The following DMP1 variants were observed in gnomAD, a reference collection of about 807,000 sequenced individuals.
DMP1 encodes dentin matrix acidic phosphoprotein 1.
In DMP1, 20 loss-of-function variants were observed where a neutral mutation model predicts 14.6. The ratio of observed to expected loss-of-function variants is 1.37; its 90% CI spans 0.96 to 1.99. The LOEUF is 1.99. DMP1 is among the 30% of genes most tolerant of loss of function. The pLI, the probability that DMP1 is intolerant of heterozygous loss-of-function variation, is 0.00. For synonymous variants in DMP1, 197 were observed against 215.3 expected (o/e 0.91, Z 0.75); for missense variants, 567 against 620.5 (o/e 0.91, Z 0.92).
intron 5 of DMP1, chr4:87,660,645 A>G (rs1404325039): frequency 6.6e-6 from 1 of 152,140 alleles, no homozygotes; most frequent in Admixed American, 6.5e-5. Flanking sequence ...ATGTATGAAG[A>G]CTCACTGTCC....
chr4:87,653,400 T>TC (rs1292926414), intron 1 of DMP1, among the ~76,000 whole-genome samples: 2 of 82,962 alleles, frequency 2.4e-5, no homozygotes, highest in African/African-American at 1.4e-4. Context: ...TATATATATA[T>TC]ATATATATAT....
At chr4:87,659,528 G>T (rs1175088602) in intron 5 of DMP1, 50 bp downstream of exon 5, 1 of 1,530,866 alleles carries the variant, frequency 6.5e-7, no homozygotes, top group Non-Finnish European at 9.1e-7. Flanking sequence ...GGAATGGAAG[G>T]AAATGATGTT....
rs191979303 is a variant in DMP1 at position 87,655,266 on chromosome 4, G to A, written c.-21-1206G>A. Among the ~76,000 whole-genome samples, 92 of 152,206 alleles carry A rather than the reference G, an allele frequency of 6.0e-4. 1 individual carries two copies. In the South Asian group the frequency reaches 7.7e-3, roughly 13 times the overall value. On this transcript the variant is annotated intron_variant, in intron 1 of 5. Coordinates refer to ENST00000339673, the MANE Select transcript of DMP1 (RefSeq NM_004407.4). ...GGCTTACTAGTGCAGGGTAAATTGC[G>A]TTCCTTAAACCATTTCAATAAATTT...
intron 1 of DMP1, among the ~76,000 whole-genome samples, chr4:87,655,533 G>T (rs1728662450): frequency 1.3e-5 from 1 of 79,204 alleles, no homozygotes; most frequent in Non-Finnish European, 2.7e-5. Context: ...ACGTGTCACA[G>T]TAGATATTAA....
chr4:87,652,566 G>A (rs1728554037), intron 1 of DMP1, among the ~76,000 whole-genome samples: 2 of 152,104 alleles, frequency 1.3e-5, no homozygotes, highest in Admixed American at 1.3e-4. Flanking sequence ...GGATGCTAAC[G>A]AGTATTTCTA....
At position 87,661,994 on chromosome 4, in the gene DMP1, A is replaced by G. The variant is rs766838624; in HGVS notation, c.216A>G (p.Ser72=). The G allele has an allele frequency of 1.2e-6, 2 of 1,614,232 alleles. No individual in the cohort carries two copies. The highest frequency in any genetic ancestry group is 2.2e-5 in the South Asian group (2 of 91,090). The stretch of plus-strand genomic sequence containing the variant: ...AAGACCCCAGTGACAGCACTCAGTC[A>G]GAGGAGGGCCTGGGCTCTGATGATC... The part of the protein sequence containing the change: ...ANEDPSDSTQ[S]EEGLGSDDHQ... Residue 72 remains serine (S), a synonymous_variant, in exon 6 of 6, where the codon TCA becomes TCG. Transcript: ENST00000339673.
rs1268012636 is a variant in DMP1, at chr4:87,659,220, G to C, written c.103G>C (p.Gly35Arg). 1.2e-6 allele frequency: 2 copies of C among 1,613,604 alleles called. No homozygotes were observed. The highest frequency in any genetic ancestry group is 1.7e-5 in the Admixed American group (1 of 59,984). ...TTTTCCTTCCTTTCCTTTTTTGCAGGGTCATTTGGCTCAGGCACCAACACC... is the reference window on the plus strand; with the variant it reads ...TTTTCCTTCCTTTCCTTTTTTGCAGCGTCATTTGGCTCAGGCACCAACACC... ...NESEDSEEWK[G>R]HLAQAPTPPL... The change falls in exon 4 of 6, where the codon GGT becomes CGT. Residue 35 changes from glycine to arginine, a missense_variant and splice_region_variant. Gly to Arg is a moderately radical substitution (Grantham distance 125). Coordinates refer to ENST00000339673, the MANE Select transcript of DMP1 (RefSeq NM_004407.4).
At chr4:87,657,893 C>G (rs1728744674) in intron 3 of DMP1, among the ~76,000 whole-genome samples, 1 of 152,200 alleles carries the variant, frequency 6.6e-6, no homozygotes, top group South Asian at 2.1e-4. Context: ...GGCCCCAATG[C>G]TTTTGGTGGT....
chr4:87,657,261 G>A (rs1728727491), intron 3 of DMP1, 182 bp downstream of exon 3: 2 of 501,376 alleles, frequency 4.0e-6, no homozygotes, highest in Admixed American at 3.3e-5. Context: ...ACTCTGGCAA[G>A]GAAGCATATT....
intron 5 of DMP1, chr4:87,660,563 AAAC>A (rs1278465027): frequency 6.6e-6 from 1 of 152,348 alleles, no homozygotes; most frequent in East Asian, 1.9e-4. Flanking sequence ...AAACAAAACA[AAAC>A]AAAACAAAAA....
chr4:87,658,855 C>T, intron 3 of DMP1: 1 of 265,152 alleles, frequency 3.8e-6, no homozygotes, highest in Non-Finnish European at 7.3e-6. Flanking sequence ...GGGCTAAAAC[C>T]AAAACCAGTG....
intron 1 of DMP1, among the ~76,000 whole-genome samples, chr4:87,655,245 T>C (rs188284467): frequency 7.3e-4 from 111 of 152,360 alleles, no homozygotes; most frequent in African/African-American, 2.6e-3. Context: ...TACCAGGGCT[T>C]ACTAGTGCAG....
intron 3 of DMP1, chr4:87,657,316 G>A: frequency 2.9e-6 from 1 of 343,470 alleles, no homozygotes; most frequent in Non-Finnish European, 5.4e-6. Flanking sequence ...AATAGTACCA[G>A]GGGATGCATG....
At position 87,661,811 on chromosome 4, in the gene DMP1, C is replaced by T. The variant is rs768962275; in HGVS notation, c.184-151C>T. The stretch of plus-strand genomic sequence containing the variant: ...ATTCCTCTTCCTTCCTATTTAAGCT[C>T]TGGTAGAGAGGTTATTGAGTAGTAA... On this transcript the variant is annotated intron_variant, in intron 5 of 5. Coordinates refer to ENST00000339673, the MANE Select transcript of DMP1 (RefSeq NM_004407.4). 1.3e-4 allele frequency: 184 copies of T among 1,405,772 alleles called. No homozygotes were observed. The Middle Eastern group carries it at 1.5e-3, about 11-fold the overall frequency. The allele number at this position is 1,405,772 out of a possible 1,614,324, so 87.1% of individuals were successfully genotyped here.
intron 1 of DMP1, 115 bp from the exon 2 acceptor site, chr4:87,656,357 C>T (rs529856667): frequency 2.7e-6 from 2 of 728,592 alleles, no homozygotes; most frequent in African/African-American, 3.5e-5. Context: ...TTTTATTTAT[C>T]CATTCATCAG....
chr4:87,655,713 T>C (rs1443597929), intron 1 of DMP1, among the ~76,000 whole-genome samples: 1 of 152,128 alleles, frequency 6.6e-6, no homozygotes, highest in Non-Finnish European at 1.5e-5. Flanking sequence ...TGTGTGTGTG[T>C]GAAAACAAAT....
At position 87,662,655 on chromosome 4, in the gene DMP1, A is replaced by G; in HGVS notation, c.877A>G (p.Ser293Gly). 1.2e-6 allele frequency: 2 copies of G among 1,614,186 alleles called. No individual in the cohort carries two copies. Among genetic ancestry groups the G allele is most frequent in the Non-Finnish European group, 1.7e-6 (2 of 1,180,034 alleles). The change falls in exon 6 of 6, where the codon AGT becomes GGT. Residue 293 changes from serine (S) to glycine (G), a missense_variant. By Grantham distance (56) the Ser-to-Gly change is moderately conservative. Transcript: ENST00000339673. ...CAACAACACAATGGAAGAAGTCAAG[A>G]GTGACTCTACAGAAAACAGCAACTC... ...DDNNTMEEVK[S>G]DSTENSNSRD...
chr4:87,660,360 G>A (rs1393091123), intron 5 of DMP1, among the ~76,000 whole-genome samples: 1 of 152,166 alleles, frequency 6.6e-6, no homozygotes, highest in Non-Finnish European at 1.5e-5. Context: ...TTGAGAAAGG[G>A]TAATGAGGTA....
chr4:87,662,068 AAGG>A lies in DMP1; in HGVS notation c.296_298del (p.Gly99del), dbSNP rs576066727. ...GGTGGCTTCTCCAGGAGCACAGGAA[AAGG>A]AGGAGATGATAAAGATGACGATGAA... On this transcript the variant is annotated inframe_deletion, in exon 6 of 6. Transcript: ENST00000339673. 4.1e-4 allele frequency: 660 copies of A among 1,614,226 alleles called. 8 individuals are homozygous for A. The South Asian group carries it at 6.3e-3, about 15-fold the overall frequency.
Sources: allele counts gnomAD v4.1 joint callset (sites outside exome capture counted in the v4.1 genomes callset), GRCh38; gene constraint gnomAD v4.1.1; transcripts MANE v1.5; gene names NCBI Gene and HGNC (gene_info 2026-07-23, HGNC 2026-07-21).